CREB3L2: variants seen among roughly 807,000 people sequenced by gnomAD.
CREB3L2 encodes the protein cAMP responsive element binding protein 3 like 2.
A neutral mutation model predicts 57.2 loss-of-function variants in CREB3L2; 23 were observed. That is an observed-to-expected ratio of 0.40 (90% CI 0.29 to 0.57). The LOEUF (loss-of-function observed/expected upper bound fraction) is 0.57, where lower values mean the gene tolerates loss of function less well. Among genes scored for constraint, CREB3L2 ranks in the 20% least tolerant of loss-of-function variants. CREB3L2 has a pLI of 0.42. For missense variants in CREB3L2, 628 were observed against 634.7 expected (o/e 0.99, Z 0.11); for synonymous variants, 268 against 265.1 (o/e 1.01, Z -0.11).
chr7:137,901,540 T>A, intron 7 of CREB3L2, 118 bp from the exon 8 acceptor site: 1 of 589,572 alleles, frequency 1.7e-6, no homozygotes, highest in Non-Finnish European at 3.0e-6. Context: ...TGCCACCCCA[T>A]GGAAGTGTGG....
At chr7:137,897,169 C>A (rs921019340) in intron 8 of CREB3L2, among the ~76,000 whole-genome samples, 3 of 152,136 alleles carry the variant, frequency 2.0e-5, no homozygotes, top group Non-Finnish European at 4.4e-5. Flanking sequence ...ATAATCATTT[C>A]ATAATATATG....
intron 1 of CREB3L2, among the ~76,000 whole-genome samples, chr7:137,976,377 C>T (rs984072570): frequency 2.6e-5 from 4 of 152,230 alleles, no homozygotes; most frequent in African/African-American, 9.6e-5. Flanking sequence ...AATGCAGTGG[C>T]CACTCGTTAA....
intron 1 of CREB3L2, among the ~76,000 whole-genome samples, chr7:137,963,836 T>G (rs1056952379): frequency 8.6e-5 from 13 of 151,296 alleles, no homozygotes; most frequent in African/African-American, 1.2e-4. Flanking sequence ...TATTTTGGTG[T>G]TTTTTTTTAA....
chr7:137,993,966 G>A (rs1801943034), intron 1 of CREB3L2, among the ~76,000 whole-genome samples: 1 of 152,154 alleles, frequency 6.6e-6, no homozygotes, highest in South Asian at 2.1e-4. Context: ...TTTGATTCAA[G>A]GAAAAATCAA....
intron 1 of CREB3L2, among the ~76,000 whole-genome samples, chr7:137,962,371 A>T (rs1160583247): frequency 1.3e-5 from 2 of 152,044 alleles, no homozygotes; most frequent in Non-Finnish European, 2.9e-5. Context: ...CCTCTACTCA[A>T]ATCCTGAATC....
chr7:137,904,136 G>T, intron 6 of CREB3L2, 119 bp from the exon 7 acceptor site: 2 of 828,342 alleles, frequency 2.4e-6, no homozygotes, highest in Non-Finnish European at 4.0e-6. Context: ...CAAGCTGCTT[G>T]CCATTTGTTT....
In CREB3L2 at chr7:137,878,640, G is replaced by GACT. The variant is rs1425274498; in HGVS notation, c.*1833_*1835dup. ...ACCCTCCAGACAACAGGGCTGCCAG[G>GACT]ACTACGGGGGCCCGATCCAGCTTCC... On this transcript the variant is annotated 3_prime_UTR_variant, in exon 12 of 12. Coordinates refer to ENST00000330387, the MANE Select transcript of CREB3L2 (RefSeq NM_194071.4). 8.6e-6 allele frequency: 2 copies of GACT among 233,900 alleles called. No individual in the cohort carries two copies. Among genetic ancestry groups the GACT allele is most frequent in the Non-Finnish European group, 1.7e-5 (2 of 118,724 alleles). The allele number at this position is 233,900 out of a possible 1,614,324, so 14.5% of individuals were successfully genotyped here.
intron 1 of CREB3L2, chr7:137,953,624 T>C: frequency 1.2e-6 from 1 of 816,558 alleles, no homozygotes; most frequent in Non-Finnish European, 1.8e-6. Flanking sequence ...AAGTCCTTGT[T>C]TCACTTGCAT....
chr7:137,937,105 A>T (rs110595), intron 1 of CREB3L2, among the ~76,000 whole-genome samples: 79,134 of 151,908 alleles, frequency 0.52, 22,054 homozygotes, highest in East Asian at 0.81. Context: ...GAAACAGGGA[A>T]GCTTTGCAGC....
chr7:137,926,983 C>T (rs1342543174), intron 2 of CREB3L2, among the ~76,000 whole-genome samples: 1 of 151,872 alleles, frequency 6.6e-6, no homozygotes, highest in Non-Finnish European at 1.5e-5. Flanking sequence ...ACCCCCATTT[C>T]TACAAAAAAA....
chr7:137,898,304 G>A (rs911926096), intron 8 of CREB3L2, among the ~76,000 whole-genome samples: 2 of 152,192 alleles, frequency 1.3e-5, no homozygotes, highest in Non-Finnish European at 2.9e-5. Context: ...CTTCCACACT[G>A]TTAGTGGGAA....
At chr7:137,961,927 G>A (rs191695741) in intron 1 of CREB3L2, among the ~76,000 whole-genome samples, 104 of 152,062 alleles carry the variant, frequency 6.8e-4, no homozygotes, top group African/African-American at 2.4e-3. Flanking sequence ...CTGAACCATG[G>A]GAACTTCTAG....
intron 1 of CREB3L2, among the ~76,000 whole-genome samples, chr7:137,943,451 G>GA (rs1253575612): frequency 1.6e-4 from 25 of 152,164 alleles, no homozygotes; most frequent in East Asian, 1.2e-3. Flanking sequence ...GGCTTTATCA[G>GA]AAAAAATGAC....
rs1345333600 is a variant in CREB3L2 at position 137,885,185 on chromosome 7, C to T, written c.1144-64G>A. On this transcript the variant is annotated intron_variant, in intron 9 of 11. Transcript: ENST00000330387. ...TGTGGACTTCAGCCTCTGGACAGCA[C>T]AGCTTTATACCCAGGGACACAGACT... 4.5e-6 allele frequency: 7 copies of T among 1,565,682 alleles called. No individual in the cohort carries two copies. The Admixed American group carries it at 1.2e-4, about 27-fold the overall frequency.
intron 2 of CREB3L2, chr7:137,922,451 TATAC>T (rs1268831064): frequency 2.0e-5 from 2 of 101,750 alleles, no homozygotes; most frequent in Non-Finnish European, 1.6e-5. Flanking sequence ...TATATATATA[TATAC>T]ACACATATAT....
intron 10 of CREB3L2, 141 bp downstream of exon 10, chr7:137,884,854 T>C (rs1799376140): frequency 1.7e-6 from 2 of 1,205,346 alleles, no homozygotes; most frequent in Admixed American, 1.7e-5. Flanking sequence ...AACCCCCACT[T>C]GCCTCTTCAA....
At chr7:137,959,443 C>T in intron 1 of CREB3L2, among the ~76,000 whole-genome samples, 1 of 152,180 alleles carries the variant, frequency 6.6e-6, no homozygotes, top group Non-Finnish European at 1.5e-5. Flanking sequence ...CTGACCAGCA[C>T]CTGAGCACAG....
chr7:137,909,690 T>G (rs1024055805), intron 4 of CREB3L2, among the ~76,000 whole-genome samples: 2 of 152,108 alleles, frequency 1.3e-5, no homozygotes, highest in Admixed American at 1.3e-4. Flanking sequence ...CCCAGCATAC[T>G]ATGGATGGGA....
intron 1 of CREB3L2, among the ~76,000 whole-genome samples, chr7:137,969,251 A>G (rs1420189392): frequency 6.6e-6 from 1 of 152,046 alleles, no homozygotes; most frequent in Non-Finnish European, 1.5e-5. Context: ...TATAAAGGAC[A>G]TTTTGGGGAC....
Sources: allele counts gnomAD v4.1 joint callset (sites outside exome capture counted in the v4.1 genomes callset), GRCh38; gene constraint gnomAD v4.1.1; transcripts MANE v1.5; gene names NCBI Gene and HGNC (gene_info 2026-07-23, HGNC 2026-07-21).